Variants in CYB5R4 observed in about 807,000 individuals in gnomAD.
The protein encoded by CYB5R4 is N-terminal cytochrome b5 and cytochrome b5 oxidoreductase domain-containing protein.
Under a neutral mutation model 70.2 loss-of-function variants are expected in CYB5R4, and 55 were observed. That is an observed-to-expected ratio of 0.78 (90% CI 0.63 to 0.98). CYB5R4 has a LOEUF of 0.98. Ranked by LOEUF, CYB5R4 falls within the 50% of genes least tolerant of loss-of-function variation. The pLI is 0.00. For missense variants in CYB5R4, 562 were observed against 612.6 expected (o/e 0.92, Z 0.87); for synonymous variants, 197 against 199.5 (o/e 0.99, Z 0.11).
rs139757506 is a variant in CYB5R4, at chr6:83,936,365, G to A, written c.1097G>A (p.Arg366His). Residue 366 changes from arginine to histidine, a missense_variant, in exon 12 of 16, where the codon CGT (arginine) becomes CAT (histidine). By Grantham distance (29) the Arg-to-His change is conservative. Coordinates refer to ENST00000369681, the MANE Select transcript of CYB5R4 (RefSeq NM_016230.4). ...GGACTCTTCACACCAGAGCTTGATC[G>A]TCTTCAGATTGGTTAGTATTTTTAC... ...PTGLFTPELD[R>H]LQIGDFVSVS... is the part of the protein sequence containing the mutation. 82 of 1,610,510 alleles carry A rather than the reference G, an allele frequency of 5.1e-5. No homozygotes were observed. The highest frequency in any genetic ancestry group is 3.8e-4 in the South Asian group (34 of 90,656).
chr6:83,938,161 G>A (rs1273098395), intron 12 of CYB5R4, among the ~76,000 whole-genome samples: 1 of 152,174 alleles, frequency 6.6e-6, no homozygotes, highest in Admixed American at 6.5e-5. Context: ...TGAACCTGAA[G>A]TATTTTGGAG....
intron 2 of CYB5R4, among the ~76,000 whole-genome samples, chr6:83,886,643 A>G (rs957779520): frequency 6.6e-6 from 1 of 152,208 alleles, no homozygotes; most frequent in Non-Finnish European, 1.5e-5. Context: ...GAGTAATGCC[A>G]TGTAAGGATG....
intron 10 of CYB5R4, among the ~76,000 whole-genome samples, chr6:83,925,894 C>T (rs1201847809): frequency 6.6e-6 from 1 of 152,168 alleles, no homozygotes; most frequent in Non-Finnish European, 1.5e-5. Flanking sequence ...TCTAGCTCTT[C>T]TATTGAGTTA....
chr6:83,902,898 ATTTG>A (rs1378868237), intron 3 of CYB5R4, among the ~76,000 whole-genome samples: 6 of 152,156 alleles, frequency 3.9e-5, no homozygotes, highest in Non-Finnish European at 7.4e-5. Context: ...ACTTTACTGA[ATTTG>A]TTTATCAGCT....
At chr6:83,934,545 T>G in intron 10 of CYB5R4, 50 bp from the exon 11 acceptor site, 1 of 1,388,690 alleles carries the variant, frequency 7.2e-7, no homozygotes, top group Non-Finnish European at 1.0e-6. Flanking sequence ...GGTTTAGTAT[T>G]ACTTCTTATT....
chr6:83,930,431 C>T lies in CYB5R4; in HGVS notation c.815-4164C>T, dbSNP rs186372739. Among the ~76,000 whole-genome samples, 27 of 152,316 alleles carry T rather than the reference C, an allele frequency of 1.8e-4. No individual in the cohort carries two copies. In the East Asian group the frequency reaches 4.2e-3, roughly 24 times the overall value. ...CTGTTGTCATTTCAGCAACATTTCA[C>T]AGCATCTTTGCCAGGAGTAGATTCC... On this transcript the variant is annotated intron_variant, in intron 10 of 15. Coordinates refer to ENST00000369681, the MANE Select transcript of CYB5R4 (RefSeq NM_016230.4).
At chr6:83,876,985 C>CTGTGG (rs2099458660) in intron 2 of CYB5R4, among the ~76,000 whole-genome samples, 1 of 152,118 alleles carries the variant, frequency 6.6e-6, no homozygotes, top group African/African-American at 2.4e-5. Flanking sequence ...GCGTGTGCTA[C>CTGTGG]CACACCTGGC....
chr6:83,874,298 C>G (rs1034632065), intron 2 of CYB5R4, among the ~76,000 whole-genome samples: 1 of 150,926 alleles, frequency 6.6e-6, no homozygotes, highest in Non-Finnish European at 1.5e-5. Context: ...TCAAGTAATC[C>G]TCCCACCTCA....
chr6:83,930,040 T>G (rs1475932603), intron 10 of CYB5R4, among the ~76,000 whole-genome samples: 1 of 152,216 alleles, frequency 6.6e-6, no homozygotes, highest in Non-Finnish European at 1.5e-5. Flanking sequence ...TTTAGTCTGT[T>G]AAGTATGCAA....
chr6:83,880,559 G>A (rs2099459282), intron 2 of CYB5R4, among the ~76,000 whole-genome samples: 1 of 152,072 alleles, frequency 6.6e-6, no homozygotes, highest in Non-Finnish European at 1.5e-5. Context: ...TATTGTAAAT[G>A]TGGCTATTGC....
At chr6:83,933,842 C>A (rs1211324188) in intron 10 of CYB5R4, among the ~76,000 whole-genome samples, 1 of 152,090 alleles carries the variant, frequency 6.6e-6, no homozygotes, top group Non-Finnish European at 1.5e-5. Context: ...TAATCCTATT[C>A]CTACCATCTT....
chr6:83,865,564 G>A (rs1185485521), intron 2 of CYB5R4, among the ~76,000 whole-genome samples: 1 of 152,052 alleles, frequency 6.6e-6, no homozygotes, highest in Non-Finnish European at 1.5e-5. Flanking sequence ...TATTCCCTAT[G>A]TGCTTGTCTG....
chr6:83,934,269 A>G (rs2099468588), intron 10 of CYB5R4, among the ~76,000 whole-genome samples: 1 of 151,944 alleles, frequency 6.6e-6, no homozygotes, highest in Admixed American at 6.6e-5. Flanking sequence ...TTTAGAATGT[A>G]AGTTTCTTCA....
intron 2 of CYB5R4, among the ~76,000 whole-genome samples, chr6:83,877,043 G>T (rs2099458670): frequency 6.6e-6 from 1 of 152,112 alleles, no homozygotes; most frequent in African/African-American, 2.4e-5. Flanking sequence ...CATTAGCCAG[G>T]ATGGTTTCGA....
intron 14 of CYB5R4, among the ~76,000 whole-genome samples, chr6:83,942,396 G>A (rs1370860609): frequency 6.6e-6 from 1 of 152,236 alleles, no homozygotes; most frequent in Non-Finnish European, 1.5e-5. Flanking sequence ...GGGAAGCCAT[G>A]AGGGACTGTG....
chr6:83,956,904 A>T (rs901524167), intron 15 of CYB5R4, among the ~76,000 whole-genome samples: 6 of 127,852 alleles, frequency 4.7e-5, no homozygotes, highest in African/African-American at 5.7e-5. Context: ...TGGGCAAGAT[A>T]AAAAAAAAAA....
At chr6:83,908,353 A>G (rs190870312) in intron 3 of CYB5R4, among the ~76,000 whole-genome samples, 9 of 152,266 alleles carry the variant, frequency 5.9e-5, no homozygotes, top group African/African-American at 2.2e-4. Flanking sequence ...AAATGTGCCA[A>G]ATGGCCTTTC....
chr6:83,905,260 T>C (rs1012059378), intron 3 of CYB5R4, among the ~76,000 whole-genome samples: 2 of 152,218 alleles, frequency 1.3e-5, no homozygotes, highest in African/African-American at 4.8e-5. Flanking sequence ...TTTCACCATG[T>C]TGGCCAGACT....
rs751383236 is a variant in CYB5R4 at position 83,931,803 on chromosome 6, AT to A, written c.815-2782del. Among the ~76,000 whole-genome samples, 847 of 116,778 alleles carry A rather than the reference AT, an allele frequency of 7.3e-3. 4 individuals are homozygous for A. Among genetic ancestry groups the A allele is most frequent in the African/African-American group, 0.021 (580 of 27,880 alleles). 76.6% of individuals were successfully genotyped at this position (116,778 alleles called of 152,430 possible). ...TTCTTTTTTGTTTATATATATATAT[AT>A]TTTTTTTTTATTATACTTTAAGTTC... On this transcript the variant is annotated intron_variant, in intron 10 of 15. Coordinates refer to ENST00000369681, the MANE Select transcript of CYB5R4 (RefSeq NM_016230.4).
Sources: gnomAD v4.1 joint callset for allele counts (sites outside exome capture counted in the v4.1 genomes callset) on GRCh38, gnomAD v4.1.1 for gene constraint, MANE v1.5 for transcripts, NCBI Gene and HGNC (gene_info 2026-07-23, HGNC 2026-07-21) for gene names.